Variants in KCNQ1 observed in about 807,000 individuals in gnomAD.
KCNQ1 encodes potassium voltage-gated channel subfamily KQT member 1.
KCNQ1 carries 49 observed loss-of-function variants against 72.4 expected under a neutral mutation model. The observed-to-expected ratio is 0.68, with a 90% confidence interval of 0.54 to 0.86. The LOEUF is 0.86. Ranked by LOEUF, KCNQ1 falls within the 40% of genes least tolerant of loss-of-function variation. The pLI is 0.00. For missense variants in KCNQ1, 790 were observed against 945.1 expected, an observed-to-expected ratio of 0.84 and a Z score of 2.15; for synonymous variants, 450 against 412.6, an observed-to-expected ratio of 1.09 and a Z score of -1.10.
intron 11 of KCNQ1, among the ~76,000 whole-genome samples, chr11:2,702,552 G>A (rs1254426441): frequency 2.6e-5 from 4 of 152,202 alleles, no homozygotes; most frequent in Non-Finnish European, 4.4e-5. Flanking sequence ...CAAAACTGTG[G>A]GTTCTAATTG....
At chr11:2,667,207 C>A (rs577855951) in intron 11 of KCNQ1, 5 of 398,586 alleles carry the variant, frequency 1.3e-5, no homozygotes, top group South Asian at 2.5e-4. Context: ...CCCCCCGTGG[C>A]CCCCTAACCT....
chr11:2,528,621 G>A (rs1847552327), intron 2 of KCNQ1, among the ~76,000 whole-genome samples: 1 of 152,240 alleles, frequency 6.6e-6, no homozygotes, highest in African/African-American at 2.4e-5. Context: ...GAGCCCACGG[G>A]GTCCCCACGG....
At chr11:2,630,790 CT>C in intron 10 of KCNQ1, 1 of 398,458 alleles carries the variant, frequency 2.5e-6, no homozygotes, top group South Asian at 1.3e-4. Context: ...ACTCCTTCAA[CT>C]TTTGTTTACC....
chr11:2,549,857 C>G lies in KCNQ1; in HGVS notation c.478-20771C>G. On this transcript the variant is annotated intron_variant, in intron 2 of 15. Coordinates refer to ENST00000155840, the MANE Select transcript of KCNQ1 (RefSeq NM_000218.3). This position sits in a 1 kb window ranked among gnomAD's most constrained non-coding sequence, Gnocchi z 6.2. The stretch of plus-strand genomic sequence containing the variant: ...CGGAGAGACCCCTGGGCAGGACACC[C>G]CTCCCTGGCTTTTCCTTCTGCACCA... Among the ~76,000 whole-genome samples, 1 of 152,126 alleles carries G rather than the reference C, an allele frequency of 6.6e-6. No homozygotes were observed. Among genetic ancestry groups the G allele is most frequent in the African/African-American group, 2.4e-5 (1 of 41,424 alleles).
intron 15 of KCNQ1, among the ~76,000 whole-genome samples, chr11:2,814,936 C>A (rs1040510625): frequency 6.6e-6 from 1 of 152,202 alleles, no homozygotes; most frequent in Non-Finnish European, 1.5e-5. Flanking sequence ...GGCCTGGGAT[C>A]TGGAGAGAAA....
At chr11:2,531,597 C>A (rs933208512) in intron 2 of KCNQ1, among the ~76,000 whole-genome samples, 2 of 152,196 alleles carry the variant, frequency 1.3e-5, no homozygotes, top group African/African-American at 4.8e-5. Flanking sequence ...GCCACAAACC[C>A]CTGGTCAGCA....
chr11:2,631,589 C>A, intron 10 of KCNQ1: 1 of 398,486 alleles, frequency 2.5e-6, no homozygotes, highest in South Asian at 1.3e-4. Context: ...TCTTGGGAGT[C>A]AGTCCCTGAA....
chr11:2,815,823 C>G lies in KCNQ1; in HGVS notation c.1795-31944C>G, dbSNP rs1298585207. ...GCTGGCCTCCCCAGAGCTCCAGGCT[C>G]TGAGGCCACACCCTCACCCAAGGCA... is the stretch of plus-strand genomic sequence containing the variant. On this transcript the variant is annotated intron_variant, in intron 15 of 15. Transcript: ENST00000155840. The surrounding 1 kb of genome is among the most constrained non-coding windows in gnomAD (Gnocchi z 5.4). Among the ~76,000 whole-genome samples the G allele has an allele frequency of 1.3e-5, 2 of 152,328 alleles. No individual in the cohort carries two copies. The highest frequency in any genetic ancestry group is 2.4e-5 in the African/African-American group (1 of 41,582).
At chr11:2,453,570 G>A (rs1846144916) in intron 1 of KCNQ1, among the ~76,000 whole-genome samples, 1 of 152,202 alleles carries the variant, frequency 6.6e-6, no homozygotes, top group Non-Finnish European at 1.5e-5. Context: ...AGAAGGTGCC[G>A]CCTTCACTCC....
Position 2,712,026 on chromosome 11 carries a change from A to C in KCNQ1, c.1514+49945A>C, listed in dbSNP as rs998968438. The stretch of plus-strand genomic sequence containing the variant: ...CCAAATGGTATGCCCAGCCTTGCTG[A>C]ATCTCTACCCATCTGTAAAAAGGAG... On this transcript the variant is annotated intron_variant, in intron 11 of 15. Coordinates refer to ENST00000155840, the MANE Select transcript of KCNQ1 (RefSeq NM_000218.3). The surrounding 1 kb of genome is among the most constrained non-coding windows in gnomAD (Gnocchi z 6.4). Among the ~76,000 whole-genome samples, 3 of 152,146 alleles carry C rather than the reference A, an allele frequency of 2.0e-5. No homozygotes were observed. The highest frequency in any genetic ancestry group is 2.9e-5 in the Non-Finnish European group (2 of 68,020).
Position 2,695,681 on chromosome 11 carries a change from AG to A in KCNQ1, c.1514+33601del. 1 of 398,660 alleles carries A rather than the reference AG, an allele frequency of 2.5e-6. No individual in the cohort carries two copies. Among genetic ancestry groups the A allele is most frequent in the Non-Finnish European group, 4.4e-6 (1 of 226,082 alleles). 24.7% of individuals were successfully genotyped at this position (398,660 alleles called of 1,614,324 possible). Reference sequence around the variant, plus strand: ...TTTATTTGAGGAAGAAGTGTTGGCCAGCTCTTCAGAACGTCTGTGCCTGTCT... The same window carrying A: ...TTTATTTGAGGAAGAAGTGTTGGCCACTCTTCAGAACGTCTGTGCCTGTCT... On this transcript the variant is annotated intron_variant, in intron 11 of 15. Transcript: ENST00000155840. The surrounding 1 kb of genome is among the most constrained non-coding windows in gnomAD (Gnocchi z 5.2).
At chr11:2,655,686 C>T in intron 10 of KCNQ1, 1 of 139,398 alleles carries the variant, frequency 7.2e-6, no homozygotes, top group Non-Finnish European at 1.5e-5. Flanking sequence ...CACCCACCCA[C>T]CCCCAGCTCC....
At chr11:2,806,812 T>C (rs1165900112) in intron 15 of KCNQ1, among the ~76,000 whole-genome samples, 1 of 152,034 alleles carries the variant, frequency 6.6e-6, no homozygotes, top group Admixed American at 6.5e-5. Flanking sequence ...CCTGAGAGAA[T>C]AGCGTGCCCC....
chr11:2,845,523 T>G (rs1368218787), intron 15 of KCNQ1, among the ~76,000 whole-genome samples: 2 of 152,156 alleles, frequency 1.3e-5, no homozygotes, highest in Non-Finnish European at 2.9e-5. Flanking sequence ...ACCACAGAAG[T>G]CCTGCACCCC....
intron 11 of KCNQ1, among the ~76,000 whole-genome samples, chr11:2,758,564 C>A (rs1360629941): frequency 6.6e-6 from 1 of 152,174 alleles, no homozygotes; most frequent in Non-Finnish European, 1.5e-5. Flanking sequence ...GGGCATTTAT[C>A]CCAAAGAAAC....
At chr11:2,610,447 C>A in intron 10 of KCNQ1, 2 of 398,266 alleles carry the variant, frequency 5.0e-6, no homozygotes, top group East Asian at 3.6e-5. Flanking sequence ...TATATTTGAT[C>A]CACTTTTTTG....
intron 1 of KCNQ1, among the ~76,000 whole-genome samples, chr11:2,452,066 C>T (rs917782604): frequency 1.3e-5 from 2 of 152,300 alleles, no homozygotes; most frequent in African/African-American, 2.4e-5. Flanking sequence ...GTCCTGGCAG[C>T]GGGTGAGCTA....
Position 2,657,876 on chromosome 11 carries a change from C to A in KCNQ1, c.1394-4085C>A, listed in dbSNP as rs1849877825. ...GGGTTATAGGTTTAGGGGAAGGAGG[C>A]CAGTGAGGTGAGATGCTTTCCTCAT... On this transcript the variant is annotated intron_variant, in intron 10 of 15. Coordinates refer to ENST00000155840, the MANE Select transcript of KCNQ1 (RefSeq NM_000218.3). This position sits in a 1 kb window ranked among gnomAD's most constrained non-coding sequence, Gnocchi z 4.8. The A allele has an allele frequency of 1.0e-5, 4 of 398,430 alleles. No homozygotes were observed. Among genetic ancestry groups the A allele is most frequent in the African/African-American group, 2.1e-5 (1 of 48,606 alleles). 24.7% of individuals were successfully genotyped at this position (398,430 alleles called of 1,614,324 possible).
At chr11:2,681,799 C>T in intron 11 of KCNQ1, 1 of 398,578 alleles carries the variant, frequency 2.5e-6, no homozygotes, top group East Asian at 3.6e-5. Flanking sequence ...GGTACAGTCC[C>T]TGCCTTCTCA....
Sources: gnomAD v4.1 joint callset for allele counts (sites outside exome capture counted in the v4.1 genomes callset) on GRCh38, gnomAD v4.1.1 for gene constraint, Gnocchi (gnomAD v3.1) non-coding constraint, MANE v1.5 for transcripts, NCBI Gene and HGNC (gene_info 2026-07-23, HGNC 2026-07-21) for gene names.